MUC22: variants seen among roughly 807,000 people sequenced by gnomAD.
MUC22 encodes mucin 22.
Under a neutral mutation model 40.3 loss-of-function variants are expected in MUC22, and 24 were observed. The ratio of observed to expected loss-of-function variants is 0.60; its 90% CI spans 0.43 to 0.84. The LOEUF is 0.84. Ranked by LOEUF, MUC22 falls within the 40% of genes least tolerant of loss-of-function variation. The probability of loss-of-function intolerance (pLI) is 0.00; values close to 1 mark genes in which losing one functional copy is unlikely to be tolerated. For synonymous variants in MUC22, 765 were observed against 844.5 expected (o/e 0.91, Z 1.63); for missense variants, 1,926 against 2,130.7 (o/e 0.90, Z 1.89).
At chr6:31,021,202 T>C (rs895560471) in intron 1 of MUC22, among the ~76,000 whole-genome samples, 11 of 152,254 alleles carry the variant, frequency 7.2e-5, no homozygotes, top group Admixed American at 2.0e-4. Context: ...GGTGAGGACG[T>C]GGAGAGTCTT....
intron 1 of MUC22, among the ~76,000 whole-genome samples, chr6:31,017,495 G>A (rs1764312080): frequency 1.3e-5 from 2 of 152,126 alleles, no homozygotes; most frequent in Admixed American, 6.5e-5. Context: ...AGCACCCTGT[G>A]TCTAGCTAAT....
At chr6:31,013,530 C>T (rs6913305) in intron 1 of MUC22, among the ~76,000 whole-genome samples, 58,584 of 151,932 alleles carry the variant, frequency 0.39, 11,518 homozygotes, top group East Asian at 0.47. Context: ...TGGATGTAAG[C>T]AGTTCTGAAA....
At chr6:31,009,478 C>T (rs1763726436), upstream of MUC22, among the ~76,000 whole-genome samples, 1 of 152,206 alleles carries the variant, frequency 6.6e-6, no homozygotes, top group Non-Finnish European at 1.5e-5. Context: ...ATCAGTGCCA[C>T]CCTAGAGGTA....
chr6:31,006,235 AAC>A (rs2150730962), upstream of MUC22: 1 of 276,694 alleles, frequency 3.6e-6, no homozygotes, highest in East Asian at 1.5e-4. Flanking sequence ...CTATAAATTG[AAC>A]ACAGAGTCTT....
intron 3 of MUC22, among the ~76,000 whole-genome samples, chr6:31,033,396 C>T (rs1487026349): frequency 2.6e-5 from 4 of 152,100 alleles, no homozygotes; most frequent in African/African-American, 4.8e-5. Context: ...TGCGGGCTTC[C>T]GATTGTCTCA....
intron 1 of MUC22, among the ~76,000 whole-genome samples, chr6:31,013,801 T>C (rs1239167225): frequency 1.3e-5 from 2 of 152,220 alleles, no homozygotes; most frequent in East Asian, 3.8e-4. Flanking sequence ...AGCACTGGGA[T>C]TACAGGCGTG....
chr6:31,027,665 C>G, exon 2 of MUC22: 1 of 1,530,630 alleles, frequency 6.5e-7, no homozygotes, highest in Non-Finnish European at 8.7e-7. Context: ...GGCTTGGAGA[C>G]CACCACAGTC....
intron 1 of MUC22, among the ~76,000 whole-genome samples, chr6:31,017,686 G>C (rs992268701): frequency 6.6e-6 from 1 of 152,188 alleles, no homozygotes; most frequent in Non-Finnish European, 1.5e-5. Context: ...GTCTAGCTCA[G>C]GGATTGTAAA....
chr6:31,024,569 T>C (rs12198448), intron 1 of MUC22, among the ~76,000 whole-genome samples: 22,791 of 152,140 alleles, frequency 0.15, 1,996 homozygotes, highest in African/African-American at 0.23. Context: ...AAACTCTGAG[T>C]ATACCCCTGT....
At chr6:31,012,789 G>A (rs9262462) in intron 1 of MUC22, among the ~76,000 whole-genome samples, 1 of 124,734 alleles carries the variant, frequency 8.0e-6, no homozygotes, top group African/African-American at 2.6e-5. Context: ...GCTGGGCGCC[G>A]TCTCACCCTC....
At chr6:31,019,224 C>T (rs930784809) in intron 1 of MUC22, among the ~76,000 whole-genome samples, 1 of 152,230 alleles carries the variant, frequency 6.6e-6, no homozygotes, top group Non-Finnish European at 1.5e-5. Flanking sequence ...TTGTTCTTGA[C>T]TTCTTTTCGT....
chr6:31,029,717 C>A (rs1289864096), exon 2 of MUC22: 1 of 1,534,222 alleles, frequency 6.5e-7, no homozygotes, highest in African/African-American at 1.4e-5. Flanking sequence ...ACCACCACCT[C>A]TACTGAAGGC....
At chr6:31,009,269 G>T (rs998924306), upstream of MUC22, among the ~76,000 whole-genome samples, 3 of 152,108 alleles carry the variant, frequency 2.0e-5, no homozygotes, top group African/African-American at 7.2e-5. Context: ...GTCTTGCTAT[G>T]TTGCCTAGAC....
chr6:31,022,154 G>A (rs1258517356), intron 1 of MUC22, among the ~76,000 whole-genome samples: 1 of 152,164 alleles, frequency 6.6e-6, no homozygotes, highest in Non-Finnish European at 1.5e-5. Flanking sequence ...GCAAACTCCA[G>A]ACATGCCACC....
At chr6:31,027,451 G>C in exon 2 of MUC22, 1 of 1,531,530 alleles carries the variant, frequency 6.5e-7, no homozygotes, top group Non-Finnish European at 8.7e-7. Flanking sequence ...TGAAGGCTCT[G>C]AGATGACTGC....
At chr6:31,021,853 T>C (rs957169093) in intron 1 of MUC22, among the ~76,000 whole-genome samples, 15 of 152,142 alleles carry the variant, frequency 9.9e-5, no homozygotes, top group Admixed American at 5.9e-4. Flanking sequence ...TGGGTCGTTT[T>C]CCACACTGTG....
intron 1 of MUC22, among the ~76,000 whole-genome samples, chr6:31,020,677 G>T (rs1461017220): frequency 6.6e-6 from 1 of 152,162 alleles, no homozygotes; most frequent in Non-Finnish European, 1.5e-5. Flanking sequence ...TTCTGGGCTG[G>T]CCGAGGCCAG....
intron 1 of MUC22, among the ~76,000 whole-genome samples, chr6:31,015,404 A>G (rs1287978513): frequency 6.6e-6 from 1 of 152,192 alleles, no homozygotes; most frequent in Middle Eastern, 3.2e-3. Context: ...AGTGGAAATT[A>G]ATATGTATTC....
chr6:31,015,279 G>GTC (rs1166772643), intron 1 of MUC22, among the ~76,000 whole-genome samples: 13 of 152,144 alleles, frequency 8.5e-5, no homozygotes, highest in Non-Finnish European at 1.6e-4. Flanking sequence ...GGAAGGTCCT[G>GTC]TCTCTCCCTA....
Sources: gnomAD v4.1 joint callset for allele counts (sites outside exome capture counted in the v4.1 genomes callset) on GRCh38, gnomAD v4.1.1 for gene constraint, MANE v1.5 for transcripts, NCBI Gene and HGNC (gene_info 2026-07-23, HGNC 2026-07-21) for gene names.